Variants in UGT2A2 observed in about 807,000 individuals in gnomAD.
UGT2A2 encodes UDP glucuronosyltransferase family 2 member A2.
In UGT2A2, 60 loss-of-function variants were observed where a neutral mutation model predicts 50.7. The ratio of observed to expected loss-of-function variants is 1.18; its 90% CI spans 0.96 to 1.47. The LOEUF is 1.47. Ranked by LOEUF, UGT2A2 falls within the 40% of genes most tolerant of loss-of-function variation. UGT2A2 has a pLI of 0.00. For synonymous variants in UGT2A2, 242 were observed against 214.6 expected, an observed-to-expected ratio of 1.13 and a Z score of -1.11; for missense variants, 762 against 634.0, an observed-to-expected ratio of 1.20 and a Z score of -2.17.
At chr4:69,595,093 T>C in intron 4 of UGT2A2, 69 bp downstream of exon 4, 1 of 1,548,354 alleles carries the variant, frequency 6.5e-7, no homozygotes, top group South Asian at 1.1e-5. Flanking sequence ...TTGAATTTAT[T>C]TGCTATTAAA....
In UGT2A2 at chr4:69,589,140, G is replaced by A. The variant is rs1016963439; in HGVS notation, c.*232C>T. On this transcript the variant is annotated 3_prime_UTR_variant, in exon 6 of 6. Coordinates refer to ENST00000604629, the MANE Select transcript of UGT2A2 (RefSeq NM_001105677.2). ...AGAAAAGTGACAGGAAGAGGGTATA[G>A]TCAGCAGGGAGAGACAAAGGAAAAA... is the stretch of plus-strand genomic sequence containing the variant. 1 of 406,678 alleles carries A rather than the reference G, an allele frequency of 2.5e-6. No homozygotes were observed. Among genetic ancestry groups the A allele is most frequent in the African/African-American group, 2.0e-5 (1 of 49,492 alleles). The allele number at this position is 406,678 out of a possible 1,614,324, so 25.2% of individuals were successfully genotyped here.
At position 69,599,332 on chromosome 4, in the gene UGT2A2, A is replaced by C. The variant is rs748441586; in HGVS notation, c.805T>G (p.Trp269Gly). Residue 269 changes from tryptophan to glycine, a missense_variant, in exon 2 of 6, where the codon TGG becomes GGG. Coordinates refer to ENST00000604629, the MANE Select transcript of UGT2A2 (RefSeq NM_001105677.2). ...KAEIWLIRTY[W>G]DFEFPRPYLP... is the part of the protein sequence containing the mutation. Reference sequence around the variant, plus strand: ...TATGGACGAGGAAATTCAAAATCCCAATATGTTCGGATTAACCAAATTTCA... The same window carrying C: ...TATGGACGAGGAAATTCAAAATCCCCATATGTTCGGATTAACCAAATTTCA... 1 of 1,613,862 alleles carries C rather than the reference A, an allele frequency of 6.2e-7. No homozygotes were observed. Among genetic ancestry groups the C allele is most frequent in the Non-Finnish European group, 8.5e-7 (1 of 1,179,920 alleles).
chr4:69,637,955 GA>G (rs1409632094), intron 1 of UGT2A2, among the ~76,000 whole-genome samples: 14 of 147,672 alleles, frequency 9.5e-5, no homozygotes, highest in South Asian at 2.2e-4. Flanking sequence ...AAGAAGGAAG[GA>G]AAAAAAGGAA....
rs373408682 is a variant in UGT2A2, at chr4:69,595,122, A to G, written c.1111+40T>C. On this transcript the variant is annotated intron_variant, in intron 4 of 5. Transcript: ENST00000604629. ...TATTAAACAGTTACTTAACTTGTCTATTGTCCCACTGTACAGCTTTTCTTT... is the reference window on the plus strand; with the variant it reads ...TATTAAACAGTTACTTAACTTGTCTGTTGTCCCACTGTACAGCTTTTCTTT... The G allele has an allele frequency of 3.3e-4, 537 of 1,610,130 alleles. 7 individuals are homozygous for G. The South Asian group carries it at 5.6e-3, about 17-fold the overall frequency.
intron 1 of UGT2A2, among the ~76,000 whole-genome samples, chr4:69,601,390 C>A (rs1719284298): frequency 6.6e-6 from 1 of 152,126 alleles, no homozygotes; most frequent in African/African-American, 2.4e-5. Flanking sequence ...TCCCCGCCCC[C>A]CGGAGTACTA....
At chr4:69,611,359 T>C (rs1311195866) in intron 1 of UGT2A2, among the ~76,000 whole-genome samples, 1 of 147,460 alleles carries the variant, frequency 6.8e-6, no homozygotes, top group East Asian at 2.0e-4. Flanking sequence ...TACAGCAGGG[T>C]CATAAAAGTA....
Position 69,589,437 on chromosome 4 carries a change from T to G in UGT2A2, c.1546A>C (p.Ile516Leu). The change falls in exon 6 of 6, where the codon ATA becomes CTA. Residue 516 changes from isoleucine to leucine, a missense_variant. Ile to Leu is a conservative substitution (Grantham distance 5). Transcript: ENST00000604629. ...TGACAGGAAAACAAACAACATTGTA[T>G]GACCAAAAATATAGCCGTTGTCACA... ...VCVTTAIFLVIQCCLFSCQKF... is the reference protein window; with the variant it reads ...VCVTTAIFLVLQCCLFSCQKF... The G allele has an allele frequency of 6.2e-7, 1 of 1,614,154 alleles. No individual in the cohort carries two copies. Among genetic ancestry groups the G allele is most frequent in the East Asian group, 2.2e-5 (1 of 44,884 alleles).
chr4:69,592,866 T>C (rs1050293475), intron 5 of UGT2A2, among the ~76,000 whole-genome samples: 5 of 152,104 alleles, frequency 3.3e-5, no homozygotes, highest in Admixed American at 2.0e-4. Context: ...AGATTAACAT[T>C]GTTGTAAAGA....
At chr4:69,601,475 C>CAAAAG (rs1376258191) in intron 1 of UGT2A2, among the ~76,000 whole-genome samples, 28 of 152,298 alleles carry the variant, frequency 1.8e-4, no homozygotes, top group African/African-American at 6.7e-4. Flanking sequence ...AGTGCCACCT[C>CAAAAG]TTGGCTAGAG....
At chr4:69,592,753 G>A (rs928403380) in intron 5 of UGT2A2, among the ~76,000 whole-genome samples, 1 of 151,866 alleles carries the variant, frequency 6.6e-6, no homozygotes, top group African/African-American at 2.4e-5. Context: ...GACTAAACTG[G>A]TGCTCCAGAA....
chr4:69,616,741 T>C (rs1016848669), intron 1 of UGT2A2, among the ~76,000 whole-genome samples: 1 of 151,634 alleles, frequency 6.6e-6, no homozygotes, highest in East Asian at 1.9e-4. Context: ...GTATAAGCTA[T>C]AAATCCTCCA....
intron 1 of UGT2A2, among the ~76,000 whole-genome samples, chr4:69,610,787 C>T (rs896647067): frequency 1.3e-5 from 2 of 152,080 alleles, no homozygotes; most frequent in Admixed American, 6.5e-5. Context: ...CCTGGCAAAC[C>T]CTGATTTTGG....
At chr4:69,622,900 A>G (rs1720831836) in intron 1 of UGT2A2, among the ~76,000 whole-genome samples, 1 of 151,788 alleles carries the variant, frequency 6.6e-6, no homozygotes, top group African/African-American at 2.4e-5. Context: ...CTCATTTATA[A>G]TTCTGCTAAG....
At chr4:69,623,235 A>G (rs988649917) in intron 1 of UGT2A2, among the ~76,000 whole-genome samples, 6 of 151,828 alleles carry the variant, frequency 4.0e-5, no homozygotes, top group Non-Finnish European at 8.8e-5. Flanking sequence ...CTGCATGCCA[A>G]GTGATACCAC....
rs531184485 is a variant in UGT2A2 at position 69,591,199 on chromosome 4, G to A, written c.1332-1548C>T. On this transcript the variant is annotated intron_variant, in intron 5 of 5. Transcript: ENST00000604629. ...TTGTAGCAAAATATGAGTGACCATG[G>A]CCCATGATAAAGCCCTCAGGAAGTC... 2.6e-5 allele frequency among the ~76,000 whole-genome samples: 4 copies of A among 152,202 alleles called. No homozygotes were observed. In the South Asian group the frequency reaches 8.3e-4, roughly 32 times the overall value.
At chr4:69,631,433 T>C (rs541717695) in intron 1 of UGT2A2, among the ~76,000 whole-genome samples, 3 of 152,292 alleles carry the variant, frequency 2.0e-5, no homozygotes, top group East Asian at 3.9e-4. Flanking sequence ...TACATCATCA[T>C]AAATTTTAAA....
chr4:69,637,045 G>T (rs1721751751), intron 1 of UGT2A2, among the ~76,000 whole-genome samples: 1 of 151,966 alleles, frequency 6.6e-6, no homozygotes, highest in South Asian at 2.1e-4. Flanking sequence ...TACATAGCTG[G>T]GTAGTTACAA....
intron 1 of UGT2A2, among the ~76,000 whole-genome samples, chr4:69,630,456 A>G (rs973891665): frequency 6.6e-6 from 1 of 152,098 alleles, no homozygotes; most frequent in Middle Eastern, 3.2e-3. Flanking sequence ...TTTATCAACC[A>G]TCACTATTCC....
chr4:69,626,863 T>G (rs1721089534), intron 1 of UGT2A2, among the ~76,000 whole-genome samples: 1 of 151,828 alleles, frequency 6.6e-6, no homozygotes, highest in South Asian at 2.1e-4. Flanking sequence ...TTTTGGAACC[T>G]TCTTCACAGT....
Sources: gnomAD v4.1 joint callset for allele counts (sites outside exome capture counted in the v4.1 genomes callset) on GRCh38, gnomAD v4.1.1 for gene constraint, MANE v1.5 for transcripts, NCBI Gene and HGNC (gene_info 2026-07-23, HGNC 2026-07-21) for gene names.